Variants in GTF2IRD1 observed in about 807,000 individuals in gnomAD.
GTF2IRD1 encodes the protein GTF2I repeat domain containing 1.
A neutral mutation model predicts 113.2 loss-of-function variants in GTF2IRD1; 26 were observed. The ratio of observed to expected loss-of-function variants is 0.23; its 90% CI spans 0.17 to 0.32. The LOEUF is 0.32. Among genes scored for constraint, GTF2IRD1 ranks in the 10% least tolerant of loss-of-function variants. GTF2IRD1 has a pLI of 1.00. For synonymous variants in GTF2IRD1, 484 were observed against 529.1 expected (o/e 0.91, Z 1.17); for missense variants, 864 against 1,280.8 (o/e 0.67, Z 4.97).
intron 1 of GTF2IRD1, among the ~76,000 whole-genome samples, chr7:74,478,267 C>T (rs1160365177): frequency 1.3e-5 from 2 of 152,166 alleles, no homozygotes; most frequent in African/African-American, 2.4e-5. Flanking sequence ...GACAGCAGCT[C>T]GGCGGGTGAT....
intron 19 of GTF2IRD1, among the ~76,000 whole-genome samples, chr7:74,556,318 CTTGTCTTTGT>C (rs1188986149): frequency 3.3e-5 from 5 of 151,602 alleles, no homozygotes; most frequent in African/African-American, 9.7e-5. Flanking sequence ...CATGCTGGCA[CTTGTCTTTGT>C]TTGTTTGTTT....
intron 25 of GTF2IRD1, among the ~76,000 whole-genome samples, chr7:74,600,785 G>A (rs1330338011): frequency 6.6e-6 from 1 of 152,116 alleles, no homozygotes; most frequent in African/African-American, 2.4e-5. Flanking sequence ...ACATGGGGAT[G>A]AGGATACGGT....
chr7:74,539,889 A>G lies in GTF2IRD1; in HGVS notation c.1539A>G (p.Pro513=), dbSNP rs1798533727. ...GAGTTTTGTCTTCAGACCCCTCGCC[A>G]ACCTCTGAGGAAATGACAGACTCGA... ...IIQVTVPDPS[P]TSEEMTDSMP... is the part of the protein sequence containing the mutation. Residue 513 remains proline (P), a synonymous_variant, in exon 14 of 27, where the codon CCA becomes CCG. Transcript: ENST00000424337. The G allele has an allele frequency of 1.2e-6, 2 of 1,612,178 alleles. No individual in the cohort carries two copies. The highest frequency in any genetic ancestry group is 3.3e-5 in the Admixed American group (2 of 59,990).
intron 1 of GTF2IRD1, among the ~76,000 whole-genome samples, chr7:74,462,377 A>G (rs535596350): frequency 5.3e-5 from 8 of 152,278 alleles, no homozygotes; most frequent in African/African-American, 1.9e-4. Flanking sequence ...CCCAGCAACC[A>G]CTGATCTGTC....
chr7:74,563,197 G>A (rs1168271958), intron 22 of GTF2IRD1, among the ~76,000 whole-genome samples: 2 of 151,922 alleles, frequency 1.3e-5, no homozygotes, highest in Non-Finnish European at 2.9e-5. Context: ...AGTGGAAACC[G>A]AGTGGTGAAG....
intron 25 of GTF2IRD1, among the ~76,000 whole-genome samples, chr7:74,598,869 C>T (rs1446684495): frequency 1.3e-5 from 2 of 152,196 alleles, no homozygotes; most frequent in African/African-American, 4.8e-5. Context: ...GCCTGGGCTC[C>T]TCCTGCCTCC....
intron 1 of GTF2IRD1, among the ~76,000 whole-genome samples, chr7:74,490,744 A>G (rs563905820): frequency 6.6e-6 from 1 of 151,466 alleles, no homozygotes; most frequent in South Asian, 2.1e-4. Flanking sequence ...GCTGGTCCAT[A>G]GGGCAGTGAG....
At chr7:74,489,800 A>G (rs1554336320) in intron 1 of GTF2IRD1, among the ~76,000 whole-genome samples, 1 of 152,212 alleles carries the variant, frequency 6.6e-6, no homozygotes, top group Non-Finnish European at 1.5e-5. Flanking sequence ...AGTTCCTCCC[A>G]GGGACTGGGA....
intron 1 of GTF2IRD1, among the ~76,000 whole-genome samples, chr7:74,454,927 G>A (rs2116825772): frequency 6.6e-6 from 1 of 151,948 alleles, no homozygotes; most frequent in South Asian, 2.1e-4. Flanking sequence ...AAGTACCCTG[G>A]GCATGATGGG....
intron 8 of GTF2IRD1, among the ~76,000 whole-genome samples, chr7:74,529,249 G>T (rs1219671965): frequency 6.6e-6 from 1 of 151,970 alleles, no homozygotes; most frequent in Non-Finnish European, 1.5e-5. Flanking sequence ...GGAGCCACTG[G>T]ACATTTTTTA....
chr7:74,520,086 T>C (rs1372817322), intron 6 of GTF2IRD1, among the ~76,000 whole-genome samples: 3 of 89,000 alleles, frequency 3.4e-5, no homozygotes, highest in African/African-American at 1.5e-4. Context: ...CACAGCTCTG[T>C]CTCAAAAAAA....
intron 1 of GTF2IRD1, among the ~76,000 whole-genome samples, chr7:74,479,456 C>G (rs1794614132): frequency 6.6e-6 from 1 of 151,994 alleles, no homozygotes; most frequent in Admixed American, 6.6e-5. Flanking sequence ...ATTTGGCACT[C>G]CTTCAAACAG....
intron 17 of GTF2IRD1, among the ~76,000 whole-genome samples, chr7:74,549,804 G>A (rs1438013940): frequency 1.3e-5 from 2 of 152,176 alleles, no homozygotes; most frequent in Admixed American, 6.6e-5. Flanking sequence ...GAAAGGCCGA[G>A]TTAGGCAGAT....
intron 9 of GTF2IRD1, among the ~76,000 whole-genome samples, chr7:74,530,633 A>G (rs1226990559): frequency 1.3e-5 from 2 of 148,208 alleles, no homozygotes; most frequent in Non-Finnish European, 3.0e-5. Context: ...GGGGGAAGGG[A>G]CAATGATGGC....
At chr7:74,462,972 G>T (rs1265434550) in intron 1 of GTF2IRD1, among the ~76,000 whole-genome samples, 1 of 152,220 alleles carries the variant, frequency 6.6e-6, no homozygotes, top group Non-Finnish European at 1.5e-5. Flanking sequence ...GGAGCTGTCT[G>T]TGCCCTGGGG....
chr7:74,587,728 C>T, intron 22 of GTF2IRD1, among the ~76,000 whole-genome samples: 1 of 152,140 alleles, frequency 6.6e-6, no homozygotes, highest in East Asian at 1.9e-4. Flanking sequence ...CTGCCCCAGA[C>T]CCCATCTCCA....
At chr7:74,595,574 G>A (rs1554372019) in intron 25 of GTF2IRD1, among the ~76,000 whole-genome samples, 5 of 152,116 alleles carry the variant, frequency 3.3e-5, no homozygotes, top group African/African-American at 9.7e-5. Flanking sequence ...AATAGATGTG[G>A]TCCAGGTGGG....
At chr7:74,531,034 A>C (rs1424810364) in intron 9 of GTF2IRD1, among the ~76,000 whole-genome samples, 1 of 152,052 alleles carries the variant, frequency 6.6e-6, no homozygotes, top group Non-Finnish European at 1.5e-5. Context: ...GTGCCACTGC[A>C]CTCCAGCCTG....
intron 2 of GTF2IRD1, among the ~76,000 whole-genome samples, chr7:74,509,154 C>T (rs191302314): frequency 8.4e-4 from 128 of 151,912 alleles, no homozygotes; most frequent in African/African-American, 3.0e-3. Flanking sequence ...GTCAGGAGTT[C>T]GAGACCAGCC....
Sources: allele counts gnomAD v4.1 joint callset (sites outside exome capture counted in the v4.1 genomes callset), GRCh38; gene constraint gnomAD v4.1.1; transcripts MANE v1.5; gene names NCBI Gene and HGNC (gene_info 2026-07-23, HGNC 2026-07-21).